The following TLK1 variants were observed in gnomAD, a reference collection of about 807,000 sequenced individuals.
TLK1 encodes serine/threonine-protein kinase tousled-like 1.
TLK1 carries 24 observed loss-of-function variants against 105.3 expected under a neutral mutation model. The ratio of observed to expected loss-of-function variants is 0.23; its 90% CI spans 0.17 to 0.32. The LOEUF (loss-of-function observed/expected upper bound fraction) is 0.32, where lower values mean the gene tolerates loss of function less well. Among genes scored for constraint, TLK1 ranks in the 10% least tolerant of loss-of-function variants. TLK1 has a pLI of 1.00. For missense variants in TLK1, 558 were observed against 910.5 expected (o/e 0.61, Z 4.98); for synonymous variants, 321 against 310.4 (o/e 1.03, Z -0.36).
intron 1 of TLK1, among the ~76,000 whole-genome samples, chr2:171,173,510 C>G (rs1692765378): frequency 6.6e-6 from 1 of 152,094 alleles, no homozygotes; most frequent in African/African-American, 2.4e-5. Context: ...ACCTCAGCTT[C>G]CAGAGTAGCT....
intron 20 of TLK1, 126 bp from the exon 21 acceptor site, chr2:170,994,082 A>C: frequency 9.3e-7 from 1 of 1,072,406 alleles, no homozygotes; most frequent in Non-Finnish European, 1.2e-6. Context: ...TGGAAGTTCA[A>C]ACCTTAAAAA....
chr2:171,175,571 C>A (rs574749646), intron 1 of TLK1, among the ~76,000 whole-genome samples: 1 of 152,284 alleles, frequency 6.6e-6, no homozygotes, highest in Non-Finnish European at 1.5e-5. Flanking sequence ...TACCAAGGGA[C>A]AACTGTACAT....
intron 1 of TLK1, among the ~76,000 whole-genome samples, chr2:171,149,088 GAATTA>G (rs1296045386): frequency 5.9e-5 from 6 of 100,982 alleles, no homozygotes; most frequent in Non-Finnish European, 8.2e-5. Flanking sequence ...TTCATCCTTT[GAATTA>G]CTTTTCTTTT....
intron 11 of TLK1, among the ~76,000 whole-genome samples, chr2:171,030,656 T>C (rs1174117137): frequency 1.3e-5 from 2 of 152,204 alleles, no homozygotes; most frequent in African/African-American, 4.8e-5. Flanking sequence ...TATAACAGTA[T>C]CATAAATTCA....
chr2:171,048,516 A>G (rs1002400985), intron 10 of TLK1, among the ~76,000 whole-genome samples: 2 of 144,126 alleles, frequency 1.4e-5, no homozygotes, highest in Non-Finnish European at 3.1e-5. Flanking sequence ...ATCCTCTAAT[A>G]ATATTTTCAC....
chr2:171,081,662 A>G (rs1483365126), intron 3 of TLK1: 1 of 1,304,266 alleles, frequency 7.7e-7, no homozygotes. Flanking sequence ...TACTGCAGAT[A>G]AAGTCCCGTC....
chr2:170,997,709 T>G lies in TLK1; in HGVS notation c.2016+3A>C. ...AGCTGAAGGCTGGTAGAATTCAATTTACCTTTCTACCATAAAGACACTGAA... is the reference window on the plus strand; with the variant it reads ...AGCTGAAGGCTGGTAGAATTCAATTGACCTTTCTACCATAAAGACACTGAA... On this transcript the variant is annotated splice_donor_region_variant and intron_variant, in intron 19 of 20. Transcript: ENST00000431350. 1 of 1,573,914 alleles carries G rather than the reference T, an allele frequency of 6.4e-7. No individual in the cohort carries two copies. Among genetic ancestry groups the G allele is most frequent in the Admixed American group, 1.7e-5 (1 of 57,700 alleles).
At chr2:171,165,321 G>T (rs1206079485), upstream of TLK1, among the ~76,000 whole-genome samples, 3 of 152,214 alleles carry the variant, frequency 2.0e-5, no homozygotes, top group Non-Finnish European at 4.4e-5. Context: ...ATTAATGAAT[G>T]ATGACGATCA....
At chr2:171,018,635 T>C (rs906197349) in intron 12 of TLK1, among the ~76,000 whole-genome samples, 12 of 152,324 alleles carry the variant, frequency 7.9e-5, no homozygotes, top group African/African-American at 2.9e-4. Context: ...CACCACAGAA[T>C]AGAATCCTCA....
intron 2 of TLK1, among the ~76,000 whole-genome samples, chr2:171,113,608 G>A (rs1690278248): frequency 6.6e-6 from 1 of 152,048 alleles, no homozygotes; most frequent in Non-Finnish European, 1.5e-5. Context: ...AATCATATAT[G>A]TGTTAATTAT....
chr2:171,061,272 G>T, intron 3 of TLK1, 116 bp from the exon 4 acceptor site: 1 of 793,472 alleles, frequency 1.3e-6, no homozygotes, highest in Non-Finnish European at 2.0e-6. Context: ...GTGCTCAAGA[G>T]ATGTTAATAT....
chr2:171,001,590 A>G (rs184047881), intron 18 of TLK1, among the ~76,000 whole-genome samples: 82 of 152,262 alleles, frequency 5.4e-4, no homozygotes, highest in African/African-American at 1.8e-3. Flanking sequence ...CATAAACCCA[A>G]TTGCATTTGC....
chr2:171,191,269 C>A (rs1422612297), intron 1 of TLK1, among the ~76,000 whole-genome samples: 1 of 152,088 alleles, frequency 6.6e-6, no homozygotes, highest in Non-Finnish European at 1.5e-5. Flanking sequence ...CTCAAGAACC[C>A]TACTAAGAAG....
intron 1 of TLK1, among the ~76,000 whole-genome samples, chr2:171,223,934 TC>T (rs1693853665): frequency 6.6e-6 from 1 of 152,178 alleles, no homozygotes. Context: ...TTCTTTGCTG[TC>T]CAAAAGCTTT....
intron 1 of TLK1, among the ~76,000 whole-genome samples, chr2:171,121,580 T>C (rs1690657483): frequency 6.6e-6 from 1 of 152,108 alleles, no homozygotes; most frequent in South Asian, 2.1e-4. Flanking sequence ...TCATCAAAAA[T>C]TTAAAATGGT....
At chr2:171,146,016 A>G (rs1188352311) in intron 1 of TLK1, among the ~76,000 whole-genome samples, 1 of 152,208 alleles carries the variant, frequency 6.6e-6, no homozygotes, top group Non-Finnish European at 1.5e-5. Context: ...CTTACTGAGC[A>G]CTACTTTGTG....
At chr2:171,019,258 C>T (rs1366557386) in intron 12 of TLK1, among the ~76,000 whole-genome samples, 1 of 152,154 alleles carries the variant, frequency 6.6e-6, no homozygotes, top group Non-Finnish European at 1.5e-5. Context: ...TGGCTCAAGT[C>T]TATAAGCCAA....
intron 1 of TLK1, among the ~76,000 whole-genome samples, chr2:171,124,898 AT>A (rs1227866029): frequency 6.6e-6 from 1 of 152,070 alleles, no homozygotes; most frequent in East Asian, 1.9e-4. Flanking sequence ...GAACAACTGA[AT>A]TGTATCAATA....
At chr2:171,066,427 A>C (rs1325875980) in intron 3 of TLK1, among the ~76,000 whole-genome samples, 2 of 152,198 alleles carry the variant, frequency 1.3e-5, no homozygotes, top group Non-Finnish European at 2.9e-5. Context: ...CCCAACTAAA[A>C]TATGTGCTGT....
Sources: gnomAD v4.1 joint callset for allele counts (sites outside exome capture counted in the v4.1 genomes callset) on GRCh38, gnomAD v4.1.1 for gene constraint, MANE v1.5 for transcripts, NCBI Gene and HGNC (gene_info 2026-07-23, HGNC 2026-07-21) for gene names.